The following GEN1 variants were observed in gnomAD, a reference collection of about 807,000 sequenced individuals.
The protein encoded by GEN1 is GEN1 structure-specific endonuclease.
A neutral mutation model predicts 67.6 loss-of-function variants in GEN1; 64 were observed. The observed-to-expected ratio is 0.95, with a 90% confidence interval of 0.77 to 1.17. GEN1 has a LOEUF of 1.17. Ranked by LOEUF, GEN1 falls within the 50% of genes most tolerant of loss-of-function variation. GEN1 has a pLI of 0.00. For missense variants in GEN1, 1,058 were observed against 1,048.3 expected (o/e 1.01, Z -0.13); for synonymous variants, 371 against 359.4 (o/e 1.03, Z -0.37).
chr2:17,767,014 G>A (rs545962473), intron 5 of GEN1, among the ~76,000 whole-genome samples: 2 of 152,220 alleles, frequency 1.3e-5, no homozygotes, highest in Non-Finnish European at 2.9e-5. Flanking sequence ...TTCTTTTCTT[G>A]TATTATGCCA....
In GEN1 at chr2:17,781,070, G is replaced by A; in HGVS notation, c.1858G>A (p.Ala620Thr). 6.2e-7 allele frequency: 1 copy of A among 1,613,814 alleles called. No homozygotes were observed. The highest frequency in any genetic ancestry group is 1.3e-5 in the African/African-American group (1 of 75,048). Residue 620 changes from alanine (A) to threonine (T), a missense_variant, in exon 14 of 14, where the codon GCC (alanine) becomes ACC (threonine). Coordinates refer to ENST00000381254, the MANE Select transcript of GEN1 (RefSeq NM_001130009.3). ...LKSEVESELS[A>T]IPDGFENIPE... ...ATCAGAAGTTGAATCAGAGCTATCA[G>A]CCATCCCTGATGGCTTTGAAAATAT...
intron 1 of GEN1, among the ~76,000 whole-genome samples, chr2:17,757,753 A>G (rs1179355934): frequency 1.3e-5 from 2 of 152,220 alleles, no homozygotes; most frequent in Non-Finnish European, 1.5e-5. Flanking sequence ...AATTTGACCC[A>G]TGAATTCTAT....
intron 8 of GEN1, 111 bp from the exon 9 acceptor site, chr2:17,772,985 G>T: frequency 1.2e-6 from 1 of 832,856 alleles, no homozygotes. Context: ...TGACTGTTTG[G>T]GATACTGTAA....
chr2:17,756,272 C>G (rs538637491), intron 1 of GEN1, among the ~76,000 whole-genome samples: 44 of 152,232 alleles, frequency 2.9e-4, no homozygotes, highest in Admixed American at 8.5e-4. Context: ...TTTGTTGATT[C>G]AAATAAGTAA....
intron 1 of GEN1, among the ~76,000 whole-genome samples, chr2:17,756,560 T>TA (rs1420713422): frequency 5.9e-5 from 9 of 152,168 alleles, no homozygotes; most frequent in African/African-American, 2.2e-4. Context: ...AAGATGAAAT[T>TA]ATACATAGTT....
At position 17,766,595 on chromosome 2, in the gene GEN1, G is replaced by A. The variant is rs1190523478; in HGVS notation, c.542G>A (p.Cys181Tyr). ...TTTCTTTAGGACCCACATGTTGACT[G>A]TTACACAATGTCATCTATCAAGAGT... ...TMNTKDPHVD[C>Y]YTMSSIKSKL... The change falls in exon 5 of 14, where the codon TGT (cysteine) becomes TAT (tyrosine). Residue 181 changes from cysteine (C) to tyrosine (Y), a missense_variant. By Grantham distance (194) the Cys-to-Tyr change is radical. Transcript: ENST00000381254. The A allele has an allele frequency of 1.9e-6, 3 of 1,590,982 alleles. No homozygotes were observed. The Admixed American group carries it at 5.1e-5, about 27-fold the overall frequency.
At chr2:17,761,329 G>A in intron 2 of GEN1, 67 bp from the exon 3 acceptor site, 4 of 831,040 alleles carry the variant, frequency 4.8e-6, no homozygotes, top group Non-Finnish European at 7.7e-6. Context: ...TTGCCTTTGT[G>A]TTATACTATT....
intron 13 of GEN1, 53 bp downstream of exon 13, chr2:17,780,174 G>A: frequency 6.3e-6 from 9 of 1,428,884 alleles, no homozygotes; most frequent in Non-Finnish European, 1.9e-6. Context: ...TTATAGAAGA[G>A]CCACCTCTTC....
At chr2:17,759,796 C>A in intron 1 of GEN1, 133 bp from the exon 2 acceptor site, 1 of 680,116 alleles carries the variant, frequency 1.5e-6, no homozygotes, top group Non-Finnish European at 2.3e-6. Flanking sequence ...CATTTTGAAA[C>A]GCTGACTGAT....
Position 17,781,486 on chromosome 2 carries a change from C to CCCTT in GEN1, c.2274_2275insCCTT (p.Ser759ProfsTer2), listed in dbSNP as rs1672832393. The CCCTT allele has an allele frequency of 3.7e-6, 6 of 1,613,416 alleles. No individual in the cohort carries two copies. Among genetic ancestry groups the CCCTT allele is most frequent in the Non-Finnish European group, 4.2e-6 (5 of 1,179,942 alleles). The stretch of plus-strand genomic sequence containing the variant: ...TCAATACTTCTGTCCCTTATTCTGT[C>CCCTT]AGTAACACAGTGGTAAAGACCTGCA... On this transcript the variant is annotated frameshift_variant, in exon 14 of 14. Transcript: ENST00000381254. LOFTEE classifies it low-confidence loss of function (END_TRUNC).
rs1671679430 is a variant in GEN1 at position 17,761,575 on chromosome 2, TAAGAG to T, written c.343_347del (p.Arg115ValfsTer20). 3.8e-6 allele frequency: 6 copies of T among 1,597,200 alleles called. No homozygotes were observed. The African/African-American group carries it at 4.1e-5, about 11-fold the overall frequency. On this transcript the variant is annotated frameshift_variant and splice_region_variant, in exon 3 of 14. Coordinates refer to ENST00000381254, the MANE Select transcript of GEN1 (RefSeq NM_001130009.3). LOFTEE classifies it high-confidence loss of function. ...GGGAGATCACATTTTAAATCAGTCT[TAAGAG>T]AGGTGAGCATTCAGATTTGATTCAG...
chr2:17,776,378 GT>G (rs1672434853), intron 11 of GEN1, among the ~76,000 whole-genome samples: 1 of 152,038 alleles, frequency 6.6e-6, no homozygotes, highest in African/African-American at 2.4e-5. Context: ...GGTCTATATT[GT>G]ATCATTGTTA....
rs1320599306 is a variant in GEN1 at position 17,754,159 on chromosome 2, G to T, written c.-202G>T. On this transcript the variant is annotated 5_prime_UTR_variant, in exon 1 of 14. Transcript: ENST00000381254. ...CGGCGCTGGATTCGAAACGCTTCCT[G>T]GTGCTCCTGGGCCTGGCGGTTGAGC... 6.6e-6 allele frequency: 1 copy of T among 152,316 alleles called. No individual in the cohort carries two copies. The highest frequency in any genetic ancestry group is 6.5e-5 in the Admixed American group (1 of 15,290). 9.4% of individuals were successfully genotyped at this position (152,316 alleles called of 1,614,324 possible). A position where few individuals can be genotyped will look rare whatever the true frequency, so the allele number is the denominator to read the frequency against.
rs765569092 is a variant in GEN1 at position 17,766,626 on chromosome 2, A to G, written c.573A>G (p.Leu191=). Residue 191 remains leucine, a synonymous_variant, in exon 5 of 14, where the codon CTA becomes CTG. Coordinates refer to ENST00000381254, the MANE Select transcript of GEN1 (RefSeq NM_001130009.3). ...CAATGTCATCTATCAAGAGTAAACT[A>G]GGTTTGGATAGAGATGCTCTGGTTG... is the stretch of plus-strand genomic sequence containing the variant. ...CYTMSSIKSK[L]GLDRDALVGL... is the part of the protein sequence containing the mutation. 2.5e-6 allele frequency: 4 copies of G among 1,610,018 alleles called. No individual in the cohort carries two copies. The South Asian group carries it at 4.4e-5, about 18-fold the overall frequency.
In GEN1 at chr2:17,778,308, GTA is replaced by G. The variant is rs1220441521; in HGVS notation, c.1264+250_1264+251del. Reference sequence around the variant, plus strand: ...CACACACATGTGTGTGTACATATATGTATATACACACACACGTGTACATATAT... The same window carrying G: ...CACACACATGTGTGTGTACATATATGTATACACACACACGTGTACATATAT... On this transcript the variant is annotated intron_variant, in intron 12 of 13. Transcript: ENST00000381254. Among the ~76,000 whole-genome samples, 3,706 of 63,286 alleles carry G rather than the reference GTA, an allele frequency of 0.059. 1,257 individuals are homozygous for G. The highest frequency in any genetic ancestry group is 0.11 in the African/African-American group (1,861 of 16,822). 41.5% of individuals were successfully genotyped at this position (63,286 alleles called of 152,430 possible).
rs554917129 is a variant in GEN1, at chr2:17,778,260, A to G, written c.1264+197A>G. 0.018 allele frequency among the ~76,000 whole-genome samples: 653 copies of G among 37,246 alleles called. 108 individuals are homozygous for G. The East Asian group carries it at 0.21, about 12-fold the overall frequency. The allele number at this position is 37,246 out of a possible 152,430, so 24.4% of individuals were successfully genotyped here. ...TGTGTACATATATGTATACACACAT[A>G]TGTGTGTACATATATGTATATACAC... On this transcript the variant is annotated intron_variant, in intron 12 of 13. Coordinates refer to ENST00000381254, the MANE Select transcript of GEN1 (RefSeq NM_001130009.3).
In GEN1 at chr2:17,760,187, TTTG is replaced by T. The variant is rs1342558381; in HGVS notation, c.161+92_161+94del. 7 of 1,290,912 alleles carry T rather than the reference TTTG, an allele frequency of 5.4e-6. No homozygotes were observed. In the Admixed American group the frequency reaches 1.2e-4, roughly 23 times the overall value. The allele number at this position is 1,290,912 out of a possible 1,614,324, so 80.0% of individuals were successfully genotyped here. ...GATTTTGTTTCACCTTTTTTTTTCT[TTTG>T]TTGTTGTTATTCTTTTACATTTTGA... On this transcript the variant is annotated intron_variant, in intron 2 of 13. Transcript: ENST00000381254.
At chr2:17,780,181 C>T in intron 13 of GEN1, 60 bp downstream of exon 13, 1 of 1,352,676 alleles carries the variant, frequency 7.4e-7, no homozygotes, top group Non-Finnish European at 1.0e-6. Flanking sequence ...AGAGCCACCT[C>T]TTCTGTTTGA....
At position 17,771,186 on chromosome 2, in the gene GEN1, T is replaced by C. The variant is rs1484135811; in HGVS notation, c.711-10T>C. Reference sequence around the variant, plus strand: ...TTTTTCCTTTTTTTAAAAACCACTTTCTATTAAAGGTTTAATCGGTGGAAT... The same window carrying C: ...TTTTTCCTTTTTTTAAAAACCACTTCCTATTAAAGGTTTAATCGGTGGAAT... On this transcript the variant is annotated splice_polypyrimidine_tract_variant and intron_variant, in intron 6 of 13. Coordinates refer to ENST00000381254, the MANE Select transcript of GEN1 (RefSeq NM_001130009.3). The C allele has an allele frequency of 6.3e-7, 1 of 1,582,404 alleles. No homozygotes were observed. Among genetic ancestry groups the C allele is most frequent in the East Asian group, 2.2e-5 (1 of 44,712 alleles).
Sources: allele counts gnomAD v4.1 joint callset (sites outside exome capture counted in the v4.1 genomes callset), GRCh38; gene constraint gnomAD v4.1.1; transcripts MANE v1.5; gene names NCBI Gene and HGNC (gene_info 2026-07-23, HGNC 2026-07-21).